GUCY1A2: variants seen among roughly 807,000 people sequenced by gnomAD.
GUCY1A2 encodes the protein guanylate cyclase soluble subunit alpha-2.
A neutral mutation model predicts 63.5 loss-of-function variants in GUCY1A2; 27 were observed. The ratio of observed to expected loss-of-function variants is 0.43; its 90% CI spans 0.31 to 0.59. GUCY1A2 has a LOEUF of 0.59. GUCY1A2 is among the 20% of genes least tolerant of loss of function. The probability of loss-of-function intolerance (pLI) is 0.11; values close to 1 mark genes in which losing one functional copy is unlikely to be tolerated. For missense variants in GUCY1A2, 768 were observed against 913.3 expected (o/e 0.84, Z 2.05); for synonymous variants, 364 against 343.5 (o/e 1.06, Z -0.66).
At chr11:106,711,643 A>G (rs1377648690) in intron 6 of GUCY1A2, among the ~76,000 whole-genome samples, 1 of 151,964 alleles carries the variant, frequency 6.6e-6, no homozygotes, top group African/African-American at 2.4e-5. Context: ...AGTGACCTTC[A>G]TTTCTTTGTG....
At chr11:106,755,249 A>G (rs1157133582) in intron 6 of GUCY1A2, among the ~76,000 whole-genome samples, 1 of 151,644 alleles carries the variant, frequency 6.6e-6, no homozygotes, top group Non-Finnish European at 1.5e-5. Flanking sequence ...TTTTCTTATT[A>G]GTCTTGCTAG....
intron 4 of GUCY1A2, among the ~76,000 whole-genome samples, chr11:106,870,557 T>C (rs998270532): frequency 9.2e-5 from 14 of 152,128 alleles, no homozygotes; most frequent in African/African-American, 3.4e-4. Flanking sequence ...GTTACTTGTT[T>C]GTTTCCCTTC....
At chr11:106,962,188 T>C (rs538847269) in intron 3 of GUCY1A2, among the ~76,000 whole-genome samples, 3 of 152,254 alleles carry the variant, frequency 2.0e-5, no homozygotes, top group Non-Finnish European at 4.4e-5. Flanking sequence ...AGGACTAGAT[T>C]CATTCTATTA....
chr11:106,769,875 CA>C (rs768002665), intron 6 of GUCY1A2, among the ~76,000 whole-genome samples: 4 of 151,820 alleles, frequency 2.6e-5, no homozygotes, highest in Admixed American at 2.6e-4. Flanking sequence ...TTTTTAATCT[CA>C]ATGTGATTAA....
chr11:106,888,259 C>T (rs1256746705), intron 4 of GUCY1A2, among the ~76,000 whole-genome samples: 1 of 151,804 alleles, frequency 6.6e-6, no homozygotes, highest in Non-Finnish European at 1.5e-5. Context: ...GAGATCGAGA[C>T]CATCCTGGCT....
intron 3 of GUCY1A2, among the ~76,000 whole-genome samples, chr11:106,956,054 A>G (rs1463948575): frequency 2.0e-5 from 3 of 151,554 alleles, no homozygotes; most frequent in Non-Finnish European, 4.4e-5. Context: ...AAACTCTGAT[A>G]GCCTTTCTTC....
In GUCY1A2 at chr11:106,856,054, T is replaced by A. The variant is rs866375080; in HGVS notation, c.1207-45576A>T. On this transcript the variant is annotated intron_variant, in intron 4 of 7. Transcript: ENST00000526355. ...GATCCTCCCACCTCAGCCTCCCAAG[T>A]AGCTGGGACTACAGACATGTGCCAC... 3.3e-5 allele frequency among the ~76,000 whole-genome samples: 5 copies of A among 151,784 alleles called. 1 individual carries two copies. Among genetic ancestry groups the A allele is most frequent in the African/African-American group, 1.2e-4 (5 of 41,458 alleles).
Position 106,810,113 on chromosome 11 carries a change from A to G in GUCY1A2, c.1572T>C (p.Phe524=). The G allele has an allele frequency of 1.2e-6, 2 of 1,614,000 alleles. No homozygotes were observed. The highest frequency in any genetic ancestry group is 1.7e-6 in the Non-Finnish European group (2 of 1,179,916). Residue 524 remains phenylalanine (F), a synonymous_variant, in exon 5 of 8, where the codon TTT becomes TTC. Coordinates refer to ENST00000526355, the MANE Select transcript of GUCY1A2 (RefSeq NM_000855.3). The stretch of plus-strand genomic sequence containing the variant: ...TGGCTGTGAAGCCAACAATGTCTGA[A>G]AAGAGCATGGTGACATCATCAAACT... ...ARKFDDVTML[F]SDIVGFTAIC...
At chr11:106,913,765 T>C (rs1860327947) in intron 4 of GUCY1A2, among the ~76,000 whole-genome samples, 2 of 151,764 alleles carry the variant, frequency 1.3e-5, no homozygotes, top group Admixed American at 1.3e-4. Flanking sequence ...AACATTAAAG[T>C]TAAAATACTC....
rs185257116 is a variant in GUCY1A2 at position 106,891,988 on chromosome 11, A to G, written c.1206+47472T>C. 1.4e-3 allele frequency among the ~76,000 whole-genome samples: 215 copies of G among 152,230 alleles called. 4 individuals carry two copies. Among genetic ancestry groups the G allele is most frequent in the Admixed American group, 0.014 (212 of 15,284 alleles). ...GTTATGTATCAGTGGGTAGAGAAAT[A>G]GCATCTCAATGACAGTTTTTAAATC... On this transcript the variant is annotated intron_variant, in intron 4 of 7. Coordinates refer to ENST00000526355, the MANE Select transcript of GUCY1A2 (RefSeq NM_000855.3).
intron 4 of GUCY1A2, among the ~76,000 whole-genome samples, chr11:106,936,088 G>A (rs1210132706): frequency 6.6e-6 from 1 of 152,096 alleles, no homozygotes; most frequent in Non-Finnish European, 1.5e-5. Flanking sequence ...GACCTTACCT[G>A]GCAGAGAAGG....
At chr11:106,943,861 C>G (rs970244492) in intron 3 of GUCY1A2, among the ~76,000 whole-genome samples, 1 of 151,980 alleles carries the variant, frequency 6.6e-6, no homozygotes. Flanking sequence ...AGAAGAAAAA[C>G]AGTATCTGCC....
chr11:106,823,355 C>T (rs1002258993), intron 4 of GUCY1A2, among the ~76,000 whole-genome samples: 4 of 152,140 alleles, frequency 2.6e-5, no homozygotes, highest in African/African-American at 9.7e-5. Context: ...ATTTGATTTT[C>T]TGCTTCTGAG....
chr11:106,838,739 G>C (rs1278512615), intron 4 of GUCY1A2, among the ~76,000 whole-genome samples: 4 of 152,044 alleles, frequency 2.6e-5, no homozygotes, highest in Non-Finnish European at 5.9e-5. Flanking sequence ...CAGTGACGAT[G>C]AGCATTTTTT....
chr11:106,915,974 G>GA (rs142281325), intron 4 of GUCY1A2, among the ~76,000 whole-genome samples: 7,093 of 135,930 alleles, frequency 0.052, 781 homozygotes, highest in African/African-American at 0.12. Flanking sequence ...GTAAAGAAAA[G>GA]AAAAAAAAAA....
At chr11:106,864,450 A>G (rs1029064255) in intron 4 of GUCY1A2, among the ~76,000 whole-genome samples, 1 of 151,968 alleles carries the variant, frequency 6.6e-6, no homozygotes, top group Admixed American at 6.6e-5. Flanking sequence ...AACTTCCAAT[A>G]CTATGTTGAA....
intron 7 of GUCY1A2, among the ~76,000 whole-genome samples, chr11:106,698,525 T>C (rs1321058318): frequency 6.6e-6 from 1 of 152,202 alleles, no homozygotes; most frequent in African/African-American, 2.4e-5. Context: ...CAAAGATATA[T>C]AGTATAGTTC....
rs75319637 is a variant in GUCY1A2 at position 106,930,635 on chromosome 11, G to A, written c.1206+8825C>T. ...AAGTCATGATTCAAAAGTTGCTATA[G>A]GAAAAAATACTAAGTTGATGTCTAA... On this transcript the variant is annotated intron_variant, in intron 4 of 7. Coordinates refer to ENST00000526355, the MANE Select transcript of GUCY1A2 (RefSeq NM_000855.3). Among the ~76,000 whole-genome samples the A allele has an allele frequency of 2.3e-3, 351 of 152,220 alleles. 1 individual carries two copies. The highest frequency in any genetic ancestry group is 3.9e-3 in the Non-Finnish European group (265 of 68,004).
At chr11:106,707,807 G>C (rs1862942782) in intron 7 of GUCY1A2, among the ~76,000 whole-genome samples, 2 of 152,114 alleles carry the variant, frequency 1.3e-5, no homozygotes, top group South Asian at 4.1e-4. Context: ...GTGTAGTGTT[G>C]TCAAAGATTA....
Sources: allele counts gnomAD v4.1 joint callset (sites outside exome capture counted in the v4.1 genomes callset), GRCh38; gene constraint gnomAD v4.1.1; transcripts MANE v1.5; gene names NCBI Gene and HGNC (gene_info 2026-07-23, HGNC 2026-07-21).